Variants in KCNC2 observed in about 807,000 individuals in gnomAD.
The protein encoded by KCNC2 is potassium voltage-gated channel subfamily C member 2.
In KCNC2, 21 loss-of-function variants were observed where a neutral mutation model predicts 44.5. The ratio of observed to expected loss-of-function variants is 0.47; its 90% CI spans 0.33 to 0.68. KCNC2 has a LOEUF of 0.68. Ranked by LOEUF, KCNC2 falls within the 30% of genes least tolerant of loss-of-function variation. KCNC2 has a pLI of 0.01. For missense variants in KCNC2, 589 were observed against 826.2 expected, an observed-to-expected ratio of 0.71 and a Z score of 3.52; for synonymous variants, 391 against 339.1, an observed-to-expected ratio of 1.15 and a Z score of -1.68.
chr12:75,131,411 A>G (rs1479166222), intron 2 of KCNC2, among the ~76,000 whole-genome samples: 1 of 152,196 alleles, frequency 6.6e-6, no homozygotes, highest in Non-Finnish European at 1.5e-5. Flanking sequence ...TTATAGCAGT[A>G]GGCAGAATGG....
At position 75,041,334 on chromosome 12, in the gene KCNC2, G is replaced by T. The variant is rs1336439874; in HGVS notation, c.*1771C>A. 4 of 1,482,642 alleles carry T rather than the reference G, an allele frequency of 2.7e-6. No individual in the cohort carries two copies. The highest frequency in any genetic ancestry group is 2.7e-6 in the Non-Finnish European group (3 of 1,117,994). The allele number at this position is 1,482,642 out of a possible 1,614,324, so 91.8% of individuals were successfully genotyped here. A position where few individuals can be genotyped will look rare whatever the true frequency, so the allele number is the denominator to read the frequency against. On this transcript the variant is annotated 3_prime_UTR_variant, in exon 5 of 5. Transcript: ENST00000549446. ...GTGTCTCTAAATATCATATATGTAT[G>T]TCTGGATAAATACATTGCTGTACAA... is the stretch of plus-strand genomic sequence containing the variant.
intron 2 of KCNC2, among the ~76,000 whole-genome samples, chr12:75,192,421 T>C (rs2030375253): frequency 6.6e-6 from 1 of 152,196 alleles, no homozygotes; most frequent in Non-Finnish European, 1.5e-5. Flanking sequence ...AGTACACTAA[T>C]ATGTAAATAT....
intron 2 of KCNC2, among the ~76,000 whole-genome samples, chr12:75,071,937 CAAAAAAA>C (rs751849483): frequency 5.9e-4 from 40 of 67,362 alleles, no homozygotes; most frequent in African/African-American, 2.5e-3. Flanking sequence ...GACTCCTTCT[CAAAAAAA>C]AAAAAAAAAA....
intron 2 of KCNC2, among the ~76,000 whole-genome samples, chr12:75,163,153 G>C (rs1891228966): frequency 6.6e-6 from 1 of 151,754 alleles, no homozygotes; most frequent in Admixed American, 6.6e-5. Context: ...GGGAGAGAGA[G>C]GGAGATTGGG....
intron 2 of KCNC2, among the ~76,000 whole-genome samples, chr12:75,160,205 C>T (rs916692301): frequency 1.8e-4 from 28 of 151,670 alleles, no homozygotes; most frequent in Admixed American, 9.9e-4. Context: ...GAAATTTGGA[C>T]ACAGACACCA....
In KCNC2 at chr12:75,069,925, C is replaced by T. The variant is rs571865033; in HGVS notation, c.688-18608G>A. Among the ~76,000 whole-genome samples the T allele has an allele frequency of 5.9e-5, 9 of 152,298 alleles. No individual in the cohort carries two copies. The South Asian group carries it at 1.7e-3, about 28-fold the overall frequency. The stretch of plus-strand genomic sequence containing the variant: ...GCCTATTTCACTAGCTCCATCTGTA[C>T]ATCATCATCGAAACAAATCAGAAAC... On this transcript the variant is annotated intron_variant, in intron 2 of 4. Transcript: ENST00000549446.
intron 2 of KCNC2, among the ~76,000 whole-genome samples, chr12:75,130,825 C>CA (rs1354791265): frequency 2.7e-5 from 4 of 150,566 alleles, no homozygotes; most frequent in Non-Finnish European, 5.9e-5. Flanking sequence ...TAAAATGAGG[C>CA]AGGAAAGACA....
At chr12:75,196,321 C>T (rs142865163) in intron 2 of KCNC2, among the ~76,000 whole-genome samples, 119 of 152,106 alleles carry the variant, frequency 7.8e-4, no homozygotes, top group African/African-American at 2.7e-3. Flanking sequence ...TACAACTGCC[C>T]AGACAGTCAT....
chr12:75,127,259 T>C (rs1888495566), intron 2 of KCNC2, among the ~76,000 whole-genome samples: 1 of 152,084 alleles, frequency 6.6e-6, no homozygotes, highest in Admixed American at 6.5e-5. Context: ...CAAGCAACAT[T>C]GAAAATTACA....
intron 2 of KCNC2, among the ~76,000 whole-genome samples, chr12:75,074,232 A>ATTTTT (rs5799196): frequency 4.2e-5 from 4 of 94,836 alleles, no homozygotes; most frequent in African/African-American, 1.6e-4. Context: ...CTACTCATAG[A>ATTTTT]TTTTTTTTTT....
At chr12:75,104,078 A>C (rs1243040011) in intron 2 of KCNC2, among the ~76,000 whole-genome samples, 1 of 151,790 alleles carries the variant, frequency 6.6e-6, no homozygotes, top group Admixed American at 6.6e-5. Context: ...CAATGTCAGG[A>C]GACATGATGA....
In KCNC2 at chr12:75,208,948, G is replaced by A. The variant is rs1232972700; in HGVS notation, c.-20+259C>T. 4.6e-5 allele frequency among the ~76,000 whole-genome samples: 7 copies of A among 152,044 alleles called. No individual in the cohort carries two copies. In the South Asian group the frequency reaches 1.5e-3, roughly 32 times the overall value. On this transcript the variant is annotated intron_variant, in intron 1 of 4. Coordinates refer to ENST00000549446, the MANE Select transcript of KCNC2 (RefSeq NM_139137.4). ...CCCAAGAAAAACAAATCCCTTAGTG[G>A]GTGGAGGGTGGGGGATTTGCTTTCT...
At chr12:75,169,202 T>C (rs1256967296) in intron 2 of KCNC2, among the ~76,000 whole-genome samples, 1 of 151,584 alleles carries the variant, frequency 6.6e-6, no homozygotes, top group Non-Finnish European at 1.5e-5. Context: ...TCTGAGGCCT[T>C]GAGATTCTTT....
In KCNC2 at chr12:75,134,860, T is replaced by G. The variant is rs542917241; in HGVS notation, c.687+72437A>C. Among the ~76,000 whole-genome samples the G allele has an allele frequency of 5.3e-5, 8 of 152,004 alleles. No individual in the cohort carries two copies. The South Asian group carries it at 1.4e-3, about 28-fold the overall frequency. On this transcript the variant is annotated intron_variant, in intron 2 of 4. Transcript: ENST00000549446. ...GTTTTAAATGCTCTAAAATTCTGAT[T>G]CATATTATGCTTCTCCATAGCTAGT...
intron 2 of KCNC2, among the ~76,000 whole-genome samples, chr12:75,080,355 A>C (rs1401282164): frequency 6.6e-6 from 1 of 152,058 alleles, no homozygotes; most frequent in Non-Finnish European, 1.5e-5. Context: ...GTGTTTCCAC[A>C]TTCGTGCATA....
intron 2 of KCNC2, among the ~76,000 whole-genome samples, chr12:75,173,191 T>G (rs1233134543): frequency 6.6e-6 from 1 of 151,852 alleles, no homozygotes; most frequent in Non-Finnish European, 1.5e-5. Flanking sequence ...TAGAAAAAAT[T>G]CAGAAGTCAA....
In KCNC2 at chr12:75,207,758, C is replaced by A. The variant is rs765716812; in HGVS notation, c.226G>T (p.Gly76Cys). Reference sequence around the variant, plus strand: ...TTGCCCGCGCCGCCCTCGAAGCAGCCGCCTGGCCCGGGGGACAGCGGGGGC... The same window carrying A: ...TTGCCCGCGCCGCCCTCGAAGCAGCAGCCTGGCCCGGGGGACAGCGGGGGC... Reference protein sequence around the residue: ...RAPPLSPGPGGCFEGGAGNCS... With the variant: ...RAPPLSPGPGCCFEGGAGNCS... Residue 76 changes from glycine (G) to cysteine (C), a missense_variant, in exon 2 of 5, where the codon GGC becomes TGC. By Grantham distance (159) the Gly-to-Cys change is radical (BLOSUM62 -3). Around this residue, in one of 7 missense-constraint regions of KCNC2, gnomAD observed 148 missense variants for 140.1 expected, o/e 1.06. Coordinates refer to ENST00000549446, the MANE Select transcript of KCNC2 (RefSeq NM_139137.4). This position sits in a 1 kb window ranked among gnomAD's most constrained non-coding sequence, Gnocchi z 4.1. The A allele has an allele frequency of 1.3e-6, 2 of 1,569,048 alleles. No homozygotes were observed. Among genetic ancestry groups the A allele is most frequent in the Admixed American group, 1.9e-5 (1 of 53,262 alleles).
At position 75,042,530 on chromosome 12, in the gene KCNC2, C is replaced by T; in HGVS notation, c.*575G>A. 7.0e-7 allele frequency: 1 copy of T among 1,422,570 alleles called. No individual in the cohort carries two copies. Among genetic ancestry groups the T allele is most frequent in the Non-Finnish European group, 9.2e-7 (1 of 1,092,602 alleles). The allele number at this position is 1,422,570 out of a possible 1,614,324, so 88.1% of individuals were successfully genotyped here. ...AAAGTGCCCTCCCTGCCCCACAATT[C>T]AACATGCAGAACAGTCGACCAATGC... On this transcript the variant is annotated 3_prime_UTR_variant, in exon 5 of 5. Coordinates refer to ENST00000549446, the MANE Select transcript of KCNC2 (RefSeq NM_139137.4).
intron 2 of KCNC2, among the ~76,000 whole-genome samples, chr12:75,198,374 G>T (rs2137761324): frequency 6.6e-6 from 1 of 151,888 alleles, no homozygotes; most frequent in South Asian, 2.1e-4. Context: ...AAAGATAACT[G>T]CTATTTTCGA....
Sources: gnomAD v4.1 joint callset for allele counts (sites outside exome capture counted in the v4.1 genomes callset) on GRCh38, gnomAD v4.1.1 for gene constraint, gnomAD v4.1.1 regional missense constraint, Gnocchi (gnomAD v3.1) non-coding constraint, MANE v1.5 for transcripts, NCBI Gene and HGNC (gene_info 2026-07-23, HGNC 2026-07-21) for gene names.